The following FBXO44 variants were observed in gnomAD, a reference collection of about 807,000 sequenced individuals.
FBXO44 encodes the protein F-box protein 44.
In FBXO44, 25 loss-of-function variants were observed where a neutral mutation model predicts 33.5. The ratio of observed to expected loss-of-function variants is 0.75; its 90% CI spans 0.54 to 1.04. FBXO44 has a LOEUF of 1.04. FBXO44 is among the 50% of genes least tolerant of loss of function. FBXO44 has a pLI of 0.00. For synonymous variants in FBXO44, 147 were observed against 152.8 expected (o/e 0.96, Z 0.28); for missense variants, 311 against 344.0 (o/e 0.90, Z 0.76).
intron 2 of FBXO44, 75 bp from the exon 3 acceptor site, chr1:11,658,192 G>A (rs764265145): frequency 6.9e-6 from 11 of 1,602,390 alleles, no homozygotes; most frequent in Non-Finnish European, 9.3e-6. Flanking sequence ...GCAGAGGAGT[G>A]GGGAGGAAGG....
At chr1:11,655,601 C>G in intron 1 of FBXO44, 1 of 589,948 alleles carries the variant, frequency 1.7e-6, no homozygotes, top group Non-Finnish European at 3.0e-6. Context: ...TGCCTTCCAC[C>G]TCTATTGTGA....
chr1:11,660,346 G>T (rs1640103280), intron 5 of FBXO44, among the ~76,000 whole-genome samples: 1 of 152,014 alleles, frequency 6.6e-6, no homozygotes, highest in Non-Finnish European at 1.5e-5. Flanking sequence ...TTTTAGTAGA[G>T]ACGGGGTTTC....
intron 5 of FBXO44, among the ~76,000 whole-genome samples, chr1:11,660,840 C>G (rs1640133857): frequency 6.6e-6 from 1 of 152,174 alleles, no homozygotes; most frequent in South Asian, 2.1e-4. Context: ...GGCTGGAGCG[C>G]AGTGACGTGA....
rs747408649 is a variant in FBXO44, at chr1:11,655,972, T to C, written c.137T>C (p.Leu46Pro). Residue 46 changes from leucine (L) to proline (P), a missense_variant, in exon 2 of 6, where the codon CTC (leucine) becomes CCC (proline). Leu to Pro is a moderately conservative substitution (Grantham distance 98). Coordinates refer to ENST00000251547, the MANE Select transcript of FBXO44 (RefSeq NM_033182.7). Reference sequence around the variant, plus strand: ...CGGGACCTCATCGACCTCGTGACCCTCTGGAAACGCAAGTGCCTGCGAGAG... The same window carrying C: ...CGGGACCTCATCGACCTCGTGACCCCCTGGAAACGCAAGTGCCTGCGAGAG... Reference protein sequence around the residue: ...LWRDLIDLVTLWKRKCLREGF... With the variant: ...LWRDLIDLVTPWKRKCLREGF... 3 of 1,614,062 alleles carry C rather than the reference T, an allele frequency of 1.9e-6. No individual in the cohort carries two copies. The highest frequency in any genetic ancestry group is 2.5e-6 in the Non-Finnish European group (3 of 1,180,012).
At position 11,661,300 on chromosome 1, in the gene FBXO44, C is replaced by T. The variant is rs753906041; in HGVS notation, c.*27C>T. On this transcript the variant is annotated 3_prime_UTR_variant, in exon 6 of 6. Transcript: ENST00000251547. This position sits in a 1 kb window ranked among gnomAD's most constrained non-coding sequence, Gnocchi z 4.4. ...ACCCCCTGAGCCCCCATCTGCTGAA[C>T]CCTGACTGGTAAACAACTGCTGTCA... is the stretch of plus-strand genomic sequence containing the variant. 2 of 1,613,208 alleles carry T rather than the reference C, an allele frequency of 1.2e-6. No homozygotes were observed. Among genetic ancestry groups the T allele is most frequent in the Non-Finnish European group, 1.7e-6 (2 of 1,179,558 alleles).
rs752667911 is a variant in FBXO44 at position 11,658,742 on chromosome 1, AGCCAGGCCAGATT to A, written c.498_510del (p.Arg167GlyfsTer89). The A allele has an allele frequency of 5.6e-6, 9 of 1,613,586 alleles. No individual in the cohort carries two copies. Reference sequence around the variant, plus strand: ...GCCCTCCCTCTCCCTGCAGGTTCGCAGCCAGGCCAGATTGCGGGTCCAAGTACCAGCTGTGCGT... The same window carrying A: ...GCCCTCCCTCTCCCTGCAGGTTCGCAGCGGGTCCAAGTACCAGCTGTGCGT... On this transcript the variant is annotated frameshift_variant, in exon 5 of 6. Coordinates refer to ENST00000251547, the MANE Select transcript of FBXO44 (RefSeq NM_033182.7). LOFTEE classifies it high-confidence loss of function.
rs371459091 is a variant in FBXO44 at position 11,658,875 on chromosome 1, C to T, written c.624+4C>T. ...GAGCGATGCCAAGTGGAGGGAGGTGCGTGGGCCTGGGGGACGGGGGCAGAG... is the reference window on the plus strand; with the variant it reads ...GAGCGATGCCAAGTGGAGGGAGGTGTGTGGGCCTGGGGGACGGGGGCAGAG... On this transcript the variant is annotated splice_donor_region_variant and intron_variant, in intron 5 of 5. Transcript: ENST00000251547. 3.8e-5 allele frequency: 61 copies of T among 1,605,072 alleles called. No homozygotes were observed. In the African/African-American group the frequency reaches 6.3e-4, roughly 16 times the overall value.
rs1160011201 is a variant in FBXO44, at chr1:11,662,719, C to T, written c.*1446C>T. 8 of 152,240 alleles carry T rather than the reference C, an allele frequency of 5.3e-5. No individual in the cohort carries two copies. The highest frequency in any genetic ancestry group is 1.9e-4 in the African/African-American group (8 of 41,446). 9.4% of individuals were successfully genotyped at this position (152,240 alleles called of 1,614,324 possible). On this transcript the variant is annotated 3_prime_UTR_variant, in exon 6 of 6. Transcript: ENST00000251547. ...TTAAGCTTTGTGTCCCCACCCACATCTCATCTTGAATGGTAATCCTGGGTG... is the reference window on the plus strand; with the variant it reads ...TTAAGCTTTGTGTCCCCACCCACATTTCATCTTGAATGGTAATCCTGGGTG...
Position 11,656,044 on chromosome 1 carries a change from T to A in FBXO44, c.209T>A (p.Ile70Asn), listed in dbSNP as rs1639766890. ...GACCAGCCCGTGGCCGACTGGAAGA[T>A]CTTCTACTTCTTACGGAGCCTGCAC... ...DWDQPVADWK[I>N]FYFLRSLHRN... The change falls in exon 2 of 6, where the codon ATC becomes AAC. Residue 70 changes from isoleucine (I) to asparagine (N), a missense_variant. Coordinates refer to ENST00000251547, the MANE Select transcript of FBXO44 (RefSeq NM_033182.7). 1 of 1,613,966 alleles carries A rather than the reference T, an allele frequency of 6.2e-7. No homozygotes were observed. The highest frequency in any genetic ancestry group is 2.2e-5 in the East Asian group (1 of 44,890).
chr1:11,658,347 G>C lies in FBXO44; in HGVS notation c.346G>C (p.Glu116Gln). ...GGATCTCTCTCGAGACCAGAGGAAGGAATTCCCCAATGACCAGGTCAAGAA... is the reference window on the plus strand; with the variant it reads ...GGATCTCTCTCGAGACCAGAGGAAGCAATTCCCCAATGACCAGGTCAAGAA... The part of the protein sequence containing the change: ...VEDLSRDQRK[E>Q]FPNDQVKKYF... Residue 116 changes from glutamate to glutamine, a missense_variant, in exon 3 of 6, where the codon GAA (glutamate) becomes CAA (glutamine). Transcript: ENST00000251547. The C allele has an allele frequency of 6.2e-7, 1 of 1,613,514 alleles. No individual in the cohort carries two copies. The highest frequency in any genetic ancestry group is 8.5e-7 in the Non-Finnish European group (1 of 1,179,856).
intron 4 of FBXO44, 37 bp downstream of exon 4, chr1:11,658,665 C>A: frequency 6.2e-7 from 1 of 1,603,668 alleles, no homozygotes; most frequent in Non-Finnish European, 8.5e-7. Flanking sequence ...GTGGGGCATG[C>A]CAATCAGGCG....
chr1:11,658,308 G>A lies in FBXO44; in HGVS notation c.307G>A (p.Glu103Lys). 1 of 1,613,680 alleles carries A rather than the reference G, an allele frequency of 6.2e-7. No homozygotes were observed. The highest frequency in any genetic ancestry group is 8.5e-7 in the Non-Finnish European group (1 of 1,179,896). The change falls in exon 3 of 6, where the codon GAG (glutamate) becomes AAG (lysine). Residue 103 changes from glutamate (E) to lysine (K), a missense_variant. Transcript: ENST00000251547. Reference protein sequence around the residue: ...FWSLDVNGGDEWKVEDLSRDQ... With the variant: ...FWSLDVNGGDKWKVEDLSRDQ... ...GAGCCTGGATGTGAATGGAGGCGAT[G>A]AGTGGAAGGTGGAGGATCTCTCTCG...
At chr1:11,660,349 G>A (rs1391626924) in intron 5 of FBXO44, among the ~76,000 whole-genome samples, 1 of 152,014 alleles carries the variant, frequency 6.6e-6, no homozygotes, top group Non-Finnish European at 1.5e-5. Context: ...TAGTAGAGAC[G>A]GGGTTTCTCC....
intron 5 of FBXO44, among the ~76,000 whole-genome samples, chr1:11,659,943 T>G (rs1032399202): frequency 5.3e-5 from 8 of 152,252 alleles, no homozygotes; most frequent in African/African-American, 1.9e-4. Context: ...ATGGCTATGT[T>G]CCAGTAAAAC....
chr1:11,661,431 C>A lies in FBXO44; in HGVS notation c.*158C>A. 8.9e-7 allele frequency: 1 copy of A among 1,123,812 alleles called. No homozygotes were observed. The highest frequency in any genetic ancestry group is 2.5e-5 in the East Asian group (1 of 39,494). 69.6% of individuals were successfully genotyped at this position (1,123,812 alleles called of 1,614,324 possible). Reference sequence around the variant, plus strand: ...TTGTGGAGCCTCTCAGTGTGGGCAGCCCTCGCATGCTGGGGTCGGGCCAGC... The same window carrying A: ...TTGTGGAGCCTCTCAGTGTGGGCAGACCTCGCATGCTGGGGTCGGGCCAGC... On this transcript the variant is annotated 3_prime_UTR_variant, in exon 6 of 6. Coordinates refer to ENST00000251547, the MANE Select transcript of FBXO44 (RefSeq NM_033182.7). This position sits in a 1 kb window ranked among gnomAD's most constrained non-coding sequence, Gnocchi z 4.4.
intron 2 of FBXO44, among the ~76,000 whole-genome samples, chr1:11,656,586 C>T (rs954398862): frequency 1.6e-4 from 24 of 151,970 alleles, no homozygotes; most frequent in African/African-American, 5.3e-4. Context: ...CTCAGCCTCC[C>T]GAGTAGCTGG....
Position 11,658,729 on chromosome 1 carries a change from C to T in FBXO44, c.489-7C>T, listed in dbSNP as rs765207374. The T allele has an allele frequency of 2.7e-5, 43 of 1,613,960 alleles. No homozygotes were observed. Among genetic ancestry groups the T allele is most frequent in the Admixed American group, 6.7e-5 (4 of 60,026 alleles). On this transcript the variant is annotated splice_region_variant and splice_polypyrimidine_tract_variant and intron_variant, in intron 4 of 5. Coordinates refer to ENST00000251547, the MANE Select transcript of FBXO44 (RefSeq NM_033182.7). The stretch of plus-strand genomic sequence containing the variant: ...GAGGCCCTGATGGGCCCTCCCTCTC[C>T]CTGCAGGTTCGCAGCCAGGCCAGAT...
intron 5 of FBXO44, among the ~76,000 whole-genome samples, chr1:11,660,448 CCG>C (rs2100653557): frequency 6.6e-6 from 1 of 152,360 alleles, no homozygotes; most frequent in East Asian, 1.9e-4. Flanking sequence ...GCATGAGCCA[CCG>C]CGCCGGGCAC....
Position 11,661,559 on chromosome 1 carries a change from G to A in FBXO44, c.*286G>A, listed in dbSNP as rs113447918. ...TGTGGGAGGTGCAGCATGTTCCCCT[G>A]GGCCCCTCAGAAAGTCGAGCTTGGA... On this transcript the variant is annotated 3_prime_UTR_variant, in exon 6 of 6. Coordinates refer to ENST00000251547, the MANE Select transcript of FBXO44 (RefSeq NM_033182.7). The surrounding 1 kb of genome is among the most constrained non-coding windows in gnomAD (Gnocchi z 4.4). 2,584 of 428,458 alleles carry A rather than the reference G, an allele frequency of 6.0e-3. 13 individuals are homozygous for A. The highest frequency in any genetic ancestry group is 9.0e-3 in the Non-Finnish European group (2,159 of 240,834). 26.5% of individuals were successfully genotyped at this position (428,458 alleles called of 1,614,324 possible).
Sources: gnomAD v4.1 joint callset for allele counts (sites outside exome capture counted in the v4.1 genomes callset) on GRCh38, gnomAD v4.1.1 for gene constraint, Gnocchi (gnomAD v3.1) non-coding constraint, MANE v1.5 for transcripts, NCBI Gene and HGNC (gene_info 2026-07-23, HGNC 2026-07-21) for gene names.